The following PRKCE variants were observed in gnomAD, a reference collection of about 807,000 sequenced individuals.
The protein encoded by PRKCE is protein kinase C epsilon.
PRKCE carries 16 observed loss-of-function variants against 85.4 expected under a neutral mutation model. The observed-to-expected ratio is 0.19, with a 90% CI of 0.13 to 0.28. The LOEUF is 0.28. PRKCE is among the 10% of genes least tolerant of loss of function. The pLI is 1.00. For missense variants in PRKCE, 573 were observed against 975.2 expected, an observed-to-expected ratio of 0.59 and a Z score of 5.49; for synonymous variants, 388 against 371.5, an observed-to-expected ratio of 1.04 and a Z score of -0.51.
intron 8 of PRKCE, among the ~76,000 whole-genome samples, chr2:46,006,918 G>T (rs1574202961): frequency 6.6e-6 from 1 of 152,200 alleles, no homozygotes; most frequent in East Asian, 1.9e-4. Context: ...TGGGTATTTA[G>T]AAGAAACCCG....
intron 1 of PRKCE, among the ~76,000 whole-genome samples, chr2:45,670,221 C>G (rs1676093669): frequency 6.6e-6 from 1 of 152,162 alleles, no homozygotes; most frequent in South Asian, 2.1e-4. Context: ...CATCATCTGA[C>G]TCTTTCCAAA....
intron 1 of PRKCE, among the ~76,000 whole-genome samples, chr2:45,712,822 A>G (rs1010763460): frequency 2.6e-5 from 4 of 152,078 alleles, no homozygotes; most frequent in African/African-American, 4.8e-5. Flanking sequence ...GGAGATGTTC[A>G]ACTCCTCCAG....
At chr2:45,992,383 A>T (rs1378279480) in intron 6 of PRKCE, among the ~76,000 whole-genome samples, 1 of 152,160 alleles carries the variant, frequency 6.6e-6, no homozygotes, top group African/African-American at 2.4e-5. Context: ...CAGGACTCCA[A>T]AATCTCTTTC....
At position 46,162,520 on chromosome 2, in the gene PRKCE, A is replaced by T. The variant is rs571978736; in HGVS notation, c.2067+2768A>T. Among the ~76,000 whole-genome samples, 147 of 152,146 alleles carry T rather than the reference A, an allele frequency of 9.7e-4. 1 individual carries two copies. The highest frequency in any genetic ancestry group is 6.8e-3 in the Middle Eastern group (2 of 292). ...CTGCCTCCCCAGACCTTCAGAGTTA[A>T]CCTCAATGCTCAGTGCTGTGGAGGG... On this transcript the variant is annotated intron_variant, in intron 14 of 14. Coordinates refer to ENST00000306156, the MANE Select transcript of PRKCE (RefSeq NM_005400.3).
At chr2:45,666,808 C>T (rs1272020654) in intron 1 of PRKCE, among the ~76,000 whole-genome samples, 1 of 152,084 alleles carries the variant, frequency 6.6e-6, no homozygotes, top group Non-Finnish European at 1.5e-5. Flanking sequence ...TGGCATATTG[C>T]CCCACACATA....
chr2:45,670,851 C>G (rs1397115105), intron 1 of PRKCE, among the ~76,000 whole-genome samples: 1 of 152,208 alleles, frequency 6.6e-6, no homozygotes, highest in Admixed American at 6.5e-5. Context: ...GTAAACAAGT[C>G]TCTGACGACA....
chr2:45,906,752 G>A (rs991557125), intron 2 of PRKCE, among the ~76,000 whole-genome samples: 7 of 152,212 alleles, frequency 4.6e-5, no homozygotes, highest in African/African-American at 1.7e-4. Flanking sequence ...CCTCCATCAG[G>A]CGGCAGCTCT....
chr2:46,090,337 G>A (rs1490161616), intron 11 of PRKCE, among the ~76,000 whole-genome samples: 1 of 152,122 alleles, frequency 6.6e-6, no homozygotes, highest in Non-Finnish European at 1.5e-5. Flanking sequence ...GGCCTCCCCT[G>A]ACTCCCTCCC....
intron 1 of PRKCE, among the ~76,000 whole-genome samples, chr2:45,782,306 A>G (rs1324608733): frequency 6.6e-6 from 1 of 152,092 alleles, no homozygotes; most frequent in Non-Finnish European, 1.5e-5. Flanking sequence ...AGGTTTTTTC[A>G]GGGAGGCAGT....
intron 10 of PRKCE, among the ~76,000 whole-genome samples, chr2:46,019,315 CGTGTCT>C (rs1558967509): frequency 6.6e-6 from 1 of 152,058 alleles, no homozygotes. Context: ...GGAGAATTGG[CGTGTCT>C]AAATGGTCCC....
chr2:46,103,434 A>T lies in PRKCE; in HGVS notation c.1592+17072A>T, dbSNP rs560253085. Among the ~76,000 whole-genome samples, 15 of 152,334 alleles carry T rather than the reference A, an allele frequency of 9.8e-5. No individual in the cohort carries two copies. In the South Asian group the frequency reaches 2.9e-3, roughly 29 times the overall value. ...TTGCTGCTGGGATGTCATTTCTTGT[A>T]GTCCCTCTCAAAGGACAGAACAAGG... On this transcript the variant is annotated intron_variant, in intron 11 of 14. Coordinates refer to ENST00000306156, the MANE Select transcript of PRKCE (RefSeq NM_005400.3).
chr2:45,722,028 G>GGAA (rs1680666925), intron 1 of PRKCE, among the ~76,000 whole-genome samples: 1 of 151,776 alleles, frequency 6.6e-6, no homozygotes, highest in Admixed American at 6.6e-5. Context: ...GAGAGTTTCT[G>GGAA]TTTATTTGGG....
chr2:46,104,848 A>G (rs1016903306), intron 11 of PRKCE, among the ~76,000 whole-genome samples: 11 of 152,138 alleles, frequency 7.2e-5, no homozygotes. Context: ...GCTGGGGTTT[A>G]TCTTTTCCCT....
In PRKCE at chr2:45,989,648, T is replaced by TAAA. The variant is rs34422241; in HGVS notation, c.823+4980_823+4982dup. 9.3e-3 allele frequency among the ~76,000 whole-genome samples: 1,364 copies of TAAA among 147,304 alleles called. 24 individuals are homozygous for TAAA. The highest frequency in any genetic ancestry group is 0.032 in the African/African-American group (1,269 of 39,974). On this transcript the variant is annotated intron_variant, in intron 6 of 14. Coordinates refer to ENST00000306156, the MANE Select transcript of PRKCE (RefSeq NM_005400.3). ...TCCCTCCTTCCTTCCTTTCCTTGTTTAAAAAAAAAAAAAAGTATTTTGGAT... is the reference window on the plus strand; with the variant it reads ...TCCCTCCTTCCTTCCTTTCCTTGTTTAAAAAAAAAAAAAAAAAGTATTTTGGAT...
At chr2:46,132,042 ATAAG>A (rs1414431937) in intron 11 of PRKCE, among the ~76,000 whole-genome samples, 2 of 152,202 alleles carry the variant, frequency 1.3e-5, no homozygotes, top group African/African-American at 4.8e-5. Flanking sequence ...ATAAACAAAT[ATAAG>A]TAAGGGCACG....
intron 14 of PRKCE, among the ~76,000 whole-genome samples, chr2:46,169,102 G>A (rs1019895472): frequency 2.6e-5 from 4 of 152,254 alleles, no homozygotes; most frequent in Admixed American, 6.5e-5. Context: ...CAAGCTGACT[G>A]GGGGGGTGTG....
At position 45,958,068 on chromosome 2, in the gene PRKCE, T is replaced by C. The variant is rs1347616493; in HGVS notation, c.413-18361T>C. 7.2e-4 allele frequency among the ~76,000 whole-genome samples: 110 copies of C among 151,762 alleles called. 1 individual carries two copies. The highest frequency in any genetic ancestry group is 7.1e-3 in the Admixed American group (108 of 15,234). Reference sequence around the variant, plus strand: ...ATGTTTGAGCATGCCTTCTGGCTAATTCTGATGCATGCTGAAGTTTCAGAT... The same window carrying C: ...ATGTTTGAGCATGCCTTCTGGCTAACTCTGATGCATGCTGAAGTTTCAGAT... On this transcript the variant is annotated intron_variant, in intron 2 of 14. Transcript: ENST00000306156.
intron 2 of PRKCE, among the ~76,000 whole-genome samples, chr2:45,949,402 G>GTTTTTTTTTTTTTTTTTTTTTTGTTT (rs35033431): frequency 2.5e-5 from 3 of 118,744 alleles, no homozygotes; most frequent in Non-Finnish European, 5.2e-5. Context: ...TATTTTGCTT[G>GTTTTTTTTTTTTTTTTTTTTTTGTTT]TTTTTTTTTT....
intron 2 of PRKCE, among the ~76,000 whole-genome samples, chr2:45,901,050 T>C (rs1318195296): frequency 6.6e-6 from 1 of 152,182 alleles, no homozygotes; most frequent in Non-Finnish European, 1.5e-5. Flanking sequence ...CTGGGTTGGC[T>C]AGGGAAAGAT....
Sources: allele counts gnomAD v4.1 joint callset (sites outside exome capture counted in the v4.1 genomes callset), GRCh38; gene constraint gnomAD v4.1.1; transcripts MANE v1.5; gene names NCBI Gene and HGNC (gene_info 2026-07-23, HGNC 2026-07-21).